The following GPHN variants were observed in gnomAD, a reference collection of about 807,000 sequenced individuals.
GPHN encodes the protein gephyrin.
In GPHN, 17 loss-of-function variants were observed where a neutral mutation model predicts 95.5. That is an observed-to-expected ratio of 0.18 (90% CI 0.12 to 0.27). The LOEUF is 0.27. Among genes scored for constraint, GPHN ranks in the 10% least tolerant of loss-of-function variants. The pLI, the probability that GPHN is intolerant of heterozygous loss-of-function variation, is 1.00. For missense variants in GPHN, 660 were observed against 978.1 expected (o/e 0.67, Z 4.34); for synonymous variants, 320 against 322.5 (o/e 0.99, Z 0.08).
At chr14:66,670,867 G>T (rs2066266376) in intron 1 of GPHN, among the ~76,000 whole-genome samples, 1 of 152,268 alleles carries the variant, frequency 6.6e-6, no homozygotes, top group South Asian at 2.1e-4. Context: ...GCAAAATTGA[G>T]AATTGTACCT....
At chr14:67,392,832 A>G in the GPHN span, 3 of 1,612,234 alleles carry the variant, frequency 1.9e-6, no homozygotes, top group African/African-American at 4.0e-5. Flanking sequence ...GAGATGAGCC[A>G]GTCCACCAGG....
At chr14:67,589,970 T>C in the GPHN span, 32 of 1,385,776 alleles carry the variant, frequency 2.3e-5, 1 homozygote, top group East Asian at 7.7e-4. Context: ...ACATCCATAA[T>C]GGTTCCTAGG....
intron 22 of GPHN, among the ~76,000 whole-genome samples, chr14:67,180,267 C>T (rs1048638839): frequency 6.6e-6 from 1 of 152,262 alleles, no homozygotes; most frequent in African/African-American, 2.4e-5. Flanking sequence ...CAAGTGAAAA[C>T]GTCAACTAAC....
intron 1 of GPHN, among the ~76,000 whole-genome samples, chr14:66,639,614 ATT>A (rs57946638): frequency 2.0e-5 from 3 of 148,730 alleles, no homozygotes; most frequent in African/African-American, 4.9e-5. Context: ...GGTGATGATT[ATT>A]TTTTTTTTTG....
At chr14:67,385,669 T>C in the GPHN span, 2 of 149,950 alleles carry the variant, frequency 1.3e-5, no homozygotes, top group African/African-American at 4.9e-5. Context: ...TTTTTTTTTT[T>C]TTTTTTTTGG....
chr14:66,996,376 G>C (rs2071797014), intron 9 of GPHN, among the ~76,000 whole-genome samples: 1 of 152,144 alleles, frequency 6.6e-6, no homozygotes, highest in South Asian at 2.1e-4. Context: ...ACCTGTTTTA[G>C]GGGGAAATTT....
At chr14:66,536,997 T>G (rs779397176) in intron 1 of GPHN, among the ~76,000 whole-genome samples, 10 of 152,198 alleles carry the variant, frequency 6.6e-5, no homozygotes, top group Non-Finnish European at 1.3e-4. Flanking sequence ...TGAAATGACC[T>G]TCTTTATCTC....
chr14:66,606,581 A>G (rs1322985904), intron 1 of GPHN, among the ~76,000 whole-genome samples: 1 of 152,182 alleles, frequency 6.6e-6, no homozygotes, highest in African/African-American at 2.4e-5. Flanking sequence ...GGCCATTTTA[A>G]CAATATTGAT....
intron 12 of GPHN, among the ~76,000 whole-genome samples, chr14:67,095,855 A>G (rs2077350712): frequency 6.6e-6 from 1 of 151,286 alleles, no homozygotes; most frequent in African/African-American, 2.4e-5. Context: ...GGTGCAGCAC[A>G]CCAGCATGGC....
At position 66,840,243 on chromosome 14, in the gene GPHN, C is replaced by T. The variant is rs554000950; in HGVS notation, c.294+15677C>T. On this transcript the variant is annotated intron_variant, in intron 4 of 22. Coordinates refer to ENST00000478722, the MANE Select transcript of GPHN (RefSeq NM_020806.5). ...GCAATGAGCCAAGATTGCGCCACTG[C>T]ACTCCAGCCTGGGTAACAGAGCGAG... 5.9e-5 allele frequency among the ~76,000 whole-genome samples: 9 copies of T among 152,222 alleles called. No homozygotes were observed. In the South Asian group the frequency reaches 1.7e-3, roughly 28 times the overall value.
rs916301051 is a variant in GPHN at position 67,181,208 on chromosome 14, C to T, written c.*271C>T. The T allele has an allele frequency of 1.8e-5, 9 of 506,088 alleles. No homozygotes were observed. Among genetic ancestry groups the T allele is most frequent in the African/African-American group, 9.6e-5 (5 of 52,264 alleles). The allele number at this position is 506,088 out of a possible 1,614,324, so 31.3% of individuals were successfully genotyped here. A position where few individuals can be genotyped will look rare whatever the true frequency, so the allele number is the denominator to read the frequency against. On this transcript the variant is annotated 3_prime_UTR_variant, in exon 23 of 23. Coordinates refer to ENST00000478722, the MANE Select transcript of GPHN (RefSeq NM_020806.5). ...GTGTGTTCAATGCTAGGTCTGATAG[C>T]GATAGCTTTTAGTAGACAGCGGTAG...
chr14:67,395,891 C>T, the GPHN span, among the ~76,000 whole-genome samples: 4 of 152,140 alleles, frequency 2.6e-5, no homozygotes, highest in African/African-American at 9.7e-5. Context: ...TATGACAGCC[C>T]CTACACTGAA....
the GPHN span, among the ~76,000 whole-genome samples, chr14:67,545,716 G>A: frequency 3.3e-5 from 5 of 152,172 alleles, no homozygotes; most frequent in African/African-American, 9.7e-5. Context: ...ATACTACATT[G>A]CAATTAAAAA....
intron 5 of GPHN, among the ~76,000 whole-genome samples, chr14:66,899,115 G>T (rs866482599): frequency 1.5e-5 from 2 of 136,042 alleles, no homozygotes; most frequent in South Asian, 2.2e-4. Context: ...TTCTAGGAGG[G>T]CTTTTTCTTT....
the GPHN span, among the ~76,000 whole-genome samples, chr14:67,530,080 C>T: frequency 1.3e-5 from 2 of 152,188 alleles, no homozygotes; most frequent in African/African-American, 4.8e-5. Flanking sequence ...CACCAGCTCT[C>T]CTAGAGTTAT....
At chr14:66,644,239 G>C (rs2064605890) in intron 1 of GPHN, among the ~76,000 whole-genome samples, 2 of 152,026 alleles carry the variant, frequency 1.3e-5, no homozygotes, top group African/African-American at 4.8e-5. Flanking sequence ...TATTAAGATT[G>C]TAAATGATCT....
intron 11 of GPHN, among the ~76,000 whole-genome samples, chr14:67,061,535 G>A (rs1043618721): frequency 3.3e-5 from 5 of 152,036 alleles, no homozygotes; most frequent in African/African-American, 1.2e-4. Flanking sequence ...TCCTTAACAT[G>A]TCATGAAAGG....
At chr14:66,635,314 A>G (rs2064037645) in intron 1 of GPHN, among the ~76,000 whole-genome samples, 1 of 152,224 alleles carries the variant, frequency 6.6e-6, no homozygotes, top group African/African-American at 2.4e-5. Context: ...AGTCATGCTG[A>G]AAAAGAACAC....
intron 4 of GPHN, among the ~76,000 whole-genome samples, chr14:66,841,115 A>C (rs925568045): frequency 6.6e-6 from 1 of 151,884 alleles, no homozygotes; most frequent in Non-Finnish European, 1.5e-5. Flanking sequence ...ACAAGTCCCT[A>C]CCTTTATGGA....
Sources: gnomAD v4.1 joint callset for allele counts (sites outside exome capture counted in the v4.1 genomes callset) on GRCh38, gnomAD v4.1.1 for gene constraint, MANE v1.5 for transcripts, NCBI Gene and HGNC (gene_info 2026-07-23, HGNC 2026-07-21) for gene names.